Variants in NKAIN2 observed in about 807,000 individuals in gnomAD.
The protein encoded by NKAIN2 is sodium/potassium transporting ATPase interacting 2.
NKAIN2 carries 14 observed loss-of-function variants against 32.6 expected under a neutral mutation model. The ratio of observed to expected loss-of-function variants is 0.43; its 90% CI spans 0.28 to 0.67. NKAIN2 has a LOEUF of 0.67. Among genes scored for constraint, NKAIN2 ranks in the 30% least tolerant of loss-of-function variants. The pLI, the probability that NKAIN2 is intolerant of heterozygous loss-of-function variation, is 0.17. For synonymous variants in NKAIN2, 80 were observed against 87.2 expected (o/e 0.92, Z 0.46); for missense variants, 198 against 258.3 (o/e 0.77, Z 1.60).
intron 1 of NKAIN2, among the ~76,000 whole-genome samples, chr6:124,120,606 G>T (rs181588898): frequency 9.1e-4 from 139 of 152,106 alleles, no homozygotes; most frequent in Non-Finnish European, 1.8e-3. Context: ...ACTCTTAGCT[G>T]CTGGATTTCA....
intron 4 of NKAIN2, among the ~76,000 whole-genome samples, chr6:124,782,953 G>C (rs528857401): frequency 6.6e-6 from 1 of 152,046 alleles, no homozygotes; most frequent in Non-Finnish European, 1.5e-5. Context: ...GAATAGTTTT[G>C]GTTAAGGACT....
intron 1 of NKAIN2, among the ~76,000 whole-genome samples, chr6:124,134,876 T>C (rs1786657403): frequency 6.6e-6 from 1 of 151,956 alleles, no homozygotes; most frequent in Admixed American, 6.6e-5. Flanking sequence ...AGGAAAAAAA[T>C]CTTAAGAGCT....
At chr6:124,745,134 G>A (rs1476849962) in intron 4 of NKAIN2, among the ~76,000 whole-genome samples, 2 of 151,776 alleles carry the variant, frequency 1.3e-5, no homozygotes, top group African/African-American at 4.8e-5. Flanking sequence ...ACTATAAAAT[G>A]TTCAATTACT....
rs144260514 is a variant in NKAIN2 at position 124,059,235 on chromosome 6, G to T, written c.55-223770G>T. Among the ~76,000 whole-genome samples, 44 of 152,148 alleles carry T rather than the reference G, an allele frequency of 2.9e-4. No homozygotes were observed. In the East Asian group the frequency reaches 8.1e-3, roughly 28 times the overall value. ...CCAAGCACAAGTAGAATAATATCCA[G>T]ACCCATTCTCTACAAGCTTCTATGT... On this transcript the variant is annotated intron_variant, in intron 1 of 6. Transcript: ENST00000368417.
At chr6:124,163,843 A>C (rs811418) in intron 1 of NKAIN2, among the ~76,000 whole-genome samples, 125,161 of 151,900 alleles carry the variant, frequency 0.82, 52,088 homozygotes, top group South Asian at 0.89. Flanking sequence ...TATAGGAAAG[A>C]TTTAATATGG....
intron 1 of NKAIN2, among the ~76,000 whole-genome samples, chr6:123,834,410 C>G (rs1246390367): frequency 6.6e-6 from 1 of 152,128 alleles, no homozygotes; most frequent in African/African-American, 2.4e-5. Flanking sequence ...CTGCCTCAGC[C>G]TCCCAACGTG....
At chr6:124,521,597 T>C (rs1393035913) in intron 3 of NKAIN2, among the ~76,000 whole-genome samples, 1 of 152,218 alleles carries the variant, frequency 6.6e-6, no homozygotes, top group Non-Finnish European at 1.5e-5. Flanking sequence ...TTCTATGTTT[T>C]ATGCTTTATT....
intron 3 of NKAIN2, among the ~76,000 whole-genome samples, chr6:124,619,006 ACTAAAT>A (rs1206974522): frequency 1.3e-5 from 2 of 152,214 alleles, no homozygotes; most frequent in East Asian, 3.9e-4. Context: ...AAAATAAGAC[ACTAAAT>A]CTAAGGTTTC....
chr6:123,970,854 C>G lies in NKAIN2; in HGVS notation c.54+166600C>G, dbSNP rs536713869. Among the ~76,000 whole-genome samples, 6 of 151,964 alleles carry G rather than the reference C, an allele frequency of 3.9e-5. 1 individual carries two copies. The South Asian group carries it at 1.3e-3, about 32-fold the overall frequency. Reference sequence around the variant, plus strand: ...CTGAGATCGCGCCACTGCACTCCAGCCTGGTCGACGAAGTGAATCTCTGTC... The same window carrying G: ...CTGAGATCGCGCCACTGCACTCCAGGCTGGTCGACGAAGTGAATCTCTGTC... On this transcript the variant is annotated intron_variant, in intron 1 of 6. Transcript: ENST00000368417.
chr6:124,145,773 G>T (rs537408523), intron 1 of NKAIN2, among the ~76,000 whole-genome samples: 1 of 152,222 alleles, frequency 6.6e-6, no homozygotes, highest in African/African-American at 2.4e-5. Flanking sequence ...CCAAAGTGCT[G>T]GGATTACCGG....
intron 1 of NKAIN2, among the ~76,000 whole-genome samples, chr6:123,851,493 C>T (rs1304882087): frequency 6.6e-6 from 1 of 151,494 alleles, no homozygotes. Context: ...TCAGGTGATT[C>T]TCCCACGTCA....
chr6:124,147,577 G>A (rs2114370782), intron 1 of NKAIN2, among the ~76,000 whole-genome samples: 1 of 152,130 alleles, frequency 6.6e-6, no homozygotes, highest in South Asian at 2.1e-4. Context: ...AGCCTTATAT[G>A]TTTTGCAATT....
intron 3 of NKAIN2, among the ~76,000 whole-genome samples, chr6:124,523,554 T>C (rs957486786): frequency 1.3e-5 from 2 of 151,906 alleles, no homozygotes; most frequent in African/African-American, 4.8e-5. Flanking sequence ...TGGCATCTTA[T>C]CACTTTATCA....
intron 5 of NKAIN2, among the ~76,000 whole-genome samples, chr6:124,805,138 T>C (rs1385244171): frequency 6.6e-6 from 1 of 152,198 alleles, no homozygotes; most frequent in Non-Finnish European, 1.5e-5. Context: ...AAGAGAGCAG[T>C]GGTTCTCCCA....
chr6:124,328,178 C>T (rs1797496868), intron 2 of NKAIN2, among the ~76,000 whole-genome samples: 1 of 152,158 alleles, frequency 6.6e-6, no homozygotes, highest in Non-Finnish European at 1.5e-5. Flanking sequence ...TACTATACTG[C>T]AGGTACCAGC....
intron 1 of NKAIN2, among the ~76,000 whole-genome samples, chr6:123,819,925 GA>G (rs1417309818): frequency 6.6e-6 from 1 of 152,116 alleles, no homozygotes; most frequent in African/African-American, 2.4e-5. Context: ...ATAGAGGAAC[GA>G]AAAGAGCAGT....
intron 4 of NKAIN2, among the ~76,000 whole-genome samples, chr6:124,661,678 ATATT>A (rs1156998809): frequency 1.3e-5 from 2 of 152,186 alleles, no homozygotes; most frequent in African/African-American, 4.8e-5. Flanking sequence ...GCCAGGTGTG[ATATT>A]TCGAGCTTTC....
chr6:124,718,068 C>T (rs115786875), intron 4 of NKAIN2, among the ~76,000 whole-genome samples: 155 of 152,158 alleles, frequency 1.0e-3, no homozygotes, highest in African/African-American at 3.4e-3. Context: ...TTTTTTTTAA[C>T]ATCTTACCAA....
intron 1 of NKAIN2, among the ~76,000 whole-genome samples, chr6:123,998,743 C>CTGTGTG (rs34410164): frequency 4.6e-4 from 62 of 134,242 alleles, no homozygotes; most frequent in African/African-American, 1.1e-3. Flanking sequence ...CTCTCTCTCT[C>CTGTGTG]TGTGTGTGTG....
Sources: allele counts gnomAD v4.1 joint callset (sites outside exome capture counted in the v4.1 genomes callset), GRCh38; gene constraint gnomAD v4.1.1; transcripts MANE v1.5; gene names NCBI Gene and HGNC (gene_info 2026-07-23, HGNC 2026-07-21).